SAMD4A: variants seen among roughly 807,000 people sequenced by gnomAD.
SAMD4A encodes the protein sterile alpha motif domain containing 4A, also known as protein Smaug homolog 1.
SAMD4A carries 33 observed loss-of-function variants against 81.3 expected under a neutral mutation model. That is an observed-to-expected ratio of 0.41 (90% CI 0.31 to 0.54). The LOEUF is 0.54. Among genes scored for constraint, SAMD4A ranks in the 20% least tolerant of loss-of-function variants. The probability of loss-of-function intolerance (pLI) is 0.37; values close to 1 mark genes in which losing one functional copy is unlikely to be tolerated. For synonymous variants in SAMD4A, 389 were observed against 382.1 expected (o/e 1.02, Z -0.21); for missense variants, 854 against 951.1 (o/e 0.90, Z 1.34).
At chr14:54,619,373 G>A (rs2034562793) in intron 2 of SAMD4A, among the ~76,000 whole-genome samples, 1 of 152,096 alleles carries the variant, frequency 6.6e-6, no homozygotes, top group Non-Finnish European at 1.5e-5. Context: ...TTCTGACTGT[G>A]TCTATATGCT....
At chr14:54,644,581 GA>G (rs2035245165) in intron 2 of SAMD4A, among the ~76,000 whole-genome samples, 1 of 152,204 alleles carries the variant, frequency 6.6e-6, no homozygotes, top group South Asian at 2.1e-4. Context: ...GATTCAGGTA[GA>G]AAGTCCCAAG....
Position 54,580,983 on chromosome 14 carries a change from C to T in SAMD4A, c.196+12871C>T, listed in dbSNP as rs140891620. ...ACAGGTCAAGATGAGAATCCTCACG[C>T]TGTTACCAAGATACATGTGATAAAG... On this transcript the variant is annotated intron_variant, in intron 2 of 12. Coordinates refer to ENST00000554335, the MANE Select transcript of SAMD4A (RefSeq NM_015589.6). 1.5e-4 allele frequency among the ~76,000 whole-genome samples: 23 copies of T among 152,326 alleles called. 1 individual carries two copies. The East Asian group carries it at 3.9e-3, about 26-fold the overall frequency.
rs550961400 is a variant in SAMD4A, at chr14:54,607,868, T to C, written c.196+39756T>C. ...CCATCTCTACTAAAAATAGAAAAAT[T>C]AGCCAGGCATGGTGGTGCAAACCTC... is the stretch of plus-strand genomic sequence containing the variant. On this transcript the variant is annotated intron_variant, in intron 2 of 12. Transcript: ENST00000554335. Among the ~76,000 whole-genome samples the C allele has an allele frequency of 3.9e-5, 6 of 151,976 alleles. No individual in the cohort carries two copies. The South Asian group carries it at 1.2e-3, about 32-fold the overall frequency.
chr14:54,579,142 T>TA (rs2140138583), intron 2 of SAMD4A, among the ~76,000 whole-genome samples: 1 of 152,344 alleles, frequency 6.6e-6, no homozygotes, highest in South Asian at 2.1e-4. Flanking sequence ...GACAGCAACA[T>TA]ACACACACAA....
intron 4 of SAMD4A, among the ~76,000 whole-genome samples, chr14:54,739,337 A>T (rs1043722578): frequency 6.6e-6 from 1 of 152,098 alleles, no homozygotes; most frequent in African/African-American, 2.4e-5. Context: ...GTCAGAAAAA[A>T]ATGGCACAGA....
intron 3 of SAMD4A, among the ~76,000 whole-genome samples, chr14:54,726,844 A>G (rs569983665): frequency 1.3e-5 from 2 of 152,280 alleles, no homozygotes; most frequent in African/African-American, 2.4e-5. Context: ...AAACTGTGGT[A>G]GGTCACAAGA....
At chr14:54,740,741 G>A (rs1321305938) in intron 4 of SAMD4A, among the ~76,000 whole-genome samples, 3 of 152,084 alleles carry the variant, frequency 2.0e-5, no homozygotes, top group South Asian at 2.1e-4. Context: ...TGGTGTTAGC[G>A]TTCCCTGCCA....
chr14:54,677,177 G>A (rs1417616184), intron 2 of SAMD4A, among the ~76,000 whole-genome samples: 2 of 152,210 alleles, frequency 1.3e-5, no homozygotes, highest in African/African-American at 4.8e-5. Flanking sequence ...TCTGTGTTAA[G>A]GGGGCTGTGG....
intron 6 of SAMD4A, among the ~76,000 whole-genome samples, chr14:54,759,799 C>A (rs2038342244): frequency 6.6e-6 from 1 of 152,162 alleles, no homozygotes; most frequent in African/African-American, 2.4e-5. Context: ...ATCATGTCAC[C>A]CAACTTTGTT....
At chr14:54,591,784 A>G (rs1288407288) in intron 2 of SAMD4A, among the ~76,000 whole-genome samples, 2 of 152,088 alleles carry the variant, frequency 1.3e-5, no homozygotes, top group Admixed American at 1.3e-4. Flanking sequence ...TTATATTGCA[A>G]CTAGGTCATA....
At chr14:54,678,466 T>TG (rs2036043083) in intron 2 of SAMD4A, among the ~76,000 whole-genome samples, 1 of 59,532 alleles carries the variant, frequency 1.7e-5, no homozygotes, top group Non-Finnish European at 4.2e-5. Flanking sequence ...TGTGTGTGTG[T>TG]GTGTGTGTGT....
Position 54,675,367 on chromosome 14 carries a change from C to CAAAAAAAAAAAAAAAAAAAAAAAAA in SAMD4A, c.197-26675_197-26674insAAAAAAAAAAAAAAAAAAAAAAAAA, listed in dbSNP as rs59110762. ...GGCAACAAGAGTGAAACTCCGTCTC[C>CAAAAAAAAAAAAAAAAAAAAAAAAA]AAAAAAAAAAAAAAAAAAAAGGCAG... is the stretch of plus-strand genomic sequence containing the variant. On this transcript the variant is annotated intron_variant, in intron 2 of 12. Transcript: ENST00000554335. Among the ~76,000 whole-genome samples, 12 of 75,386 alleles carry CAAAAAAAAAAAAAAAAAAAAAAAAA rather than the reference C, an allele frequency of 1.6e-4. 3 individuals are homozygous for CAAAAAAAAAAAAAAAAAAAAAAAAA. The highest frequency in any genetic ancestry group is 4.8e-4 in the African/African-American group (10 of 20,902). The allele number at this position is 75,386 out of a possible 152,430, so 49.5% of individuals were successfully genotyped here.
intron 2 of SAMD4A, among the ~76,000 whole-genome samples, chr14:54,573,789 T>A (rs2033205049): frequency 6.6e-6 from 1 of 152,192 alleles, no homozygotes; most frequent in South Asian, 2.1e-4. Flanking sequence ...AAAGCAGAAC[T>A]TTTAGAACAG....
chr14:54,759,662 G>A (rs971659221), intron 6 of SAMD4A, among the ~76,000 whole-genome samples: 2 of 152,200 alleles, frequency 1.3e-5, no homozygotes, highest in Non-Finnish European at 1.5e-5. Context: ...GGGAGTGCAA[G>A]AATCCAAACC....
chr14:54,669,858 C>T (rs981789855), intron 2 of SAMD4A, among the ~76,000 whole-genome samples: 70 of 152,232 alleles, frequency 4.6e-4, no homozygotes, highest in African/African-American at 1.6e-3. Flanking sequence ...CGGAGTGAAT[C>T]GAATAATATT....
At chr14:54,688,310 T>C (rs923980316) in intron 2 of SAMD4A, 1 of 985,398 alleles carries the variant, frequency 1.0e-6, no homozygotes, top group Admixed American at 6.1e-5. Flanking sequence ...GGTAACGTAC[T>C]GGCTCTCACG....
At chr14:54,775,987 C>G (rs1220502871) in intron 10 of SAMD4A, among the ~76,000 whole-genome samples, 6 of 147,718 alleles carry the variant, frequency 4.1e-5, no homozygotes, top group Admixed American at 2.7e-4. Flanking sequence ...TTCTCTCCCC[C>G]TCGCTTTGGA....
At chr14:54,759,428 T>A (rs1335380072) in intron 6 of SAMD4A, among the ~76,000 whole-genome samples, 1 of 152,166 alleles carries the variant, frequency 6.6e-6, no homozygotes, top group African/African-American at 2.4e-5. Flanking sequence ...AGGATCCTCA[T>A]GCCCACGCTC....
intron 2 of SAMD4A, among the ~76,000 whole-genome samples, chr14:54,583,100 T>C (rs890500385): frequency 1.4e-4 from 21 of 152,098 alleles, no homozygotes; most frequent in African/African-American, 5.1e-4. Context: ...TGTGCTACCA[T>C]GCCTGGCTAA....
Sources: gnomAD v4.1 joint callset for allele counts (sites outside exome capture counted in the v4.1 genomes callset) on GRCh38, gnomAD v4.1.1 for gene constraint, MANE v1.5 for transcripts, NCBI Gene and HGNC (gene_info 2026-07-23, HGNC 2026-07-21) for gene names.